Variants in SLU7 observed in about 807,000 individuals in gnomAD.
SLU7 encodes spliceosome associated SLU7.
A neutral mutation model predicts 87.0 loss-of-function variants in SLU7; 60 were observed. The ratio of observed to expected loss-of-function variants is 0.69; its 90% CI spans 0.56 to 0.86. The LOEUF (loss-of-function observed/expected upper bound fraction) is 0.86. Among genes scored for constraint, SLU7 ranks in the 40% least tolerant of loss-of-function variants. The pLI is 0.00. For synonymous variants in SLU7, 197 were observed against 222.0 expected (o/e 0.89, Z 1.00); for missense variants, 507 against 686.6 (o/e 0.74, Z 2.92).
In SLU7 at chr5:160,407,945, A is replaced by C; in HGVS notation, c.917+26T>G. On this transcript the variant is annotated intron_variant, in intron 9 of 15. Coordinates refer to ENST00000297151, the MANE Select transcript of SLU7 (RefSeq NM_006425.5). This position sits in a 1 kb window ranked among gnomAD's most constrained non-coding sequence, Gnocchi z 4.2. Reference sequence around the variant, plus strand: ...ACAATTAACTTTCTCTCATCTTAAAATCTGTACATTTAACTTGATACTTAC... The same window carrying C: ...ACAATTAACTTTCTCTCATCTTAAACTCTGTACATTTAACTTGATACTTAC... 6.5e-7 allele frequency: 1 copy of C among 1,544,150 alleles called. No homozygotes were observed. The highest frequency in any genetic ancestry group is 1.4e-5 in the African/African-American group (1 of 73,616).
intron 11 of SLU7, 150 bp from the exon 12 acceptor site, chr5:160,406,779 A>AT: frequency 1.6e-6 from 1 of 627,986 alleles, no homozygotes; most frequent in Non-Finnish European, 2.6e-6. Context: ...AAAGCCACAA[A>AT]TTTTTTCTGA....
chr5:160,406,604 G>A lies in SLU7; in HGVS notation c.1151C>T (p.Ala384Val), dbSNP rs759685509. The A allele has an allele frequency of 1.9e-6, 3 of 1,610,058 alleles. No individual in the cohort carries two copies. The highest frequency in any genetic ancestry group is 2.5e-6 in the Non-Finnish European group (3 of 1,178,346). ...EKYGGQEHLD[A>V]PPAELLLAQT... ...GGCTAAAAGCAATTCAGCTGGAGGG[G>A]CATCCAAATGTTCTTGGCCACCATA... The change falls in exon 12 of 16, where the codon GCC becomes GTC. Residue 384 changes from alanine to valine, a missense_variant. Ala to Val is a moderately conservative substitution (Grantham distance 64). Transcript: ENST00000297151.
At chr5:160,416,290 T>C (rs1350431652) in intron 1 of SLU7, among the ~76,000 whole-genome samples, 1 of 152,202 alleles carries the variant, frequency 6.6e-6, no homozygotes, top group African/African-American at 2.4e-5. Flanking sequence ...TAAGCCACTC[T>C]AAACTCCCAC....
intron 1 of SLU7, chr5:160,417,186 G>A (rs1765492754): frequency 6.6e-6 from 1 of 152,072 alleles, no homozygotes; most frequent in African/African-American, 2.4e-5. Context: ...ATGTCCTACT[G>A]CCCAAGCTTA....
intron 12 of SLU7, chr5:160,406,212 A>G (rs573030317): frequency 1.7e-5 from 5 of 291,690 alleles, no homozygotes; most frequent in Admixed American, 4.9e-5. Context: ...AACTGTGCAT[A>G]TGCACACATA....
chr5:160,409,119 T>C (rs1215403781), intron 6 of SLU7, among the ~76,000 whole-genome samples: 2 of 151,996 alleles, frequency 1.3e-5, no homozygotes, highest in Non-Finnish European at 2.9e-5. Flanking sequence ...AATTTCTAAA[T>C]GTGTTAGTCT....
rs1038425317 is a variant in SLU7, at chr5:160,402,774, T to G, written c.*511A>C. ...GGCTCACGCCTGTAATCTCAGCACTTTGGGAGGCTGAGGCGGGTGGATCAC... is the reference window on the plus strand; with the variant it reads ...GGCTCACGCCTGTAATCTCAGCACTGTGGGAGGCTGAGGCGGGTGGATCAC... On this transcript the variant is annotated 3_prime_UTR_variant, in exon 16 of 16. Transcript: ENST00000297151. 6.6e-6 allele frequency: 1 copy of G among 152,128 alleles called. No homozygotes were observed. The highest frequency in any genetic ancestry group is 2.4e-5 in the African/African-American group (1 of 41,404). 9.4% of individuals were successfully genotyped at this position (152,128 alleles called of 1,614,324 possible). A position where few individuals can be genotyped will look rare whatever the true frequency, so the allele number is the denominator to read the frequency against.
At chr5:160,415,839 C>G (rs981314072) in intron 1 of SLU7, among the ~76,000 whole-genome samples, 1 of 152,172 alleles carries the variant, frequency 6.6e-6, no homozygotes, top group South Asian at 2.1e-4. Context: ...TCTGTTCCTT[C>G]CCTTTTTATA....
intron 15 of SLU7, among the ~76,000 whole-genome samples, 159 bp downstream of exon 15, chr5:160,404,281 C>T (rs1313847704): frequency 6.6e-6 from 1 of 152,234 alleles, no homozygotes; most frequent in East Asian, 1.9e-4. Context: ...AGAAGAATTG[C>T]TTGAGCCTAT....
chr5:160,404,678 A>T, intron 14 of SLU7, 122 bp from the exon 15 acceptor site: 1 of 866,984 alleles, frequency 1.2e-6, no homozygotes, highest in Non-Finnish European at 1.8e-6. Flanking sequence ...GTGGGCCCAG[A>T]CCGTGCACTG....
rs1765275778 is a variant in SLU7 at position 160,412,464 on chromosome 5, A to G, written c.626T>C (p.Leu209Ser). Residue 209 changes from leucine to serine, a missense_variant, in exon 6 of 16, where the codon TTA becomes TCA. By Grantham distance (145) the Leu-to-Ser change is moderately radical. Transcript: ENST00000297151. ...TTCATTACTTACAGCCTGTTCCACT[A>G]ATTTTCCTGAGGCTAATTCCTCTTG... ...KLQEELASGK[L>S]VEQANSPKHQ... 4.5e-6 allele frequency: 7 copies of G among 1,544,420 alleles called. No individual in the cohort carries two copies. In the South Asian group the frequency reaches 4.8e-5, roughly 11 times the overall value.
At chr5:160,412,393 T>C in intron 6 of SLU7, 58 bp downstream of exon 6, 1 of 1,054,162 alleles carries the variant, frequency 9.5e-7, no homozygotes, top group Non-Finnish European at 1.4e-6. Context: ...TTGTTTCAAT[T>C]TTCATTTCTT....
chr5:160,415,751 C>T (rs1461707943), intron 1 of SLU7, among the ~76,000 whole-genome samples: 1 of 152,152 alleles, frequency 6.6e-6, no homozygotes, highest in Non-Finnish European at 1.5e-5. Context: ...CCCTCCATTC[C>T]CTACCATTCT....
At chr5:160,405,392 C>T (rs944658593) in intron 12 of SLU7, among the ~76,000 whole-genome samples, 23 of 152,166 alleles carry the variant, frequency 1.5e-4, no homozygotes, top group Non-Finnish European at 2.5e-4. Context: ...TCTTGAAAAA[C>T]GTAGGAGTGG....
In SLU7 at chr5:160,406,532, T is replaced by C. The variant is rs1475761061; in HGVS notation, c.1223A>G (p.Lys408Arg). ...VEYSRHGTVI[K>R]GQERAVACSK... Reference sequence around the variant, plus strand: ...GCAGGCAACAGCCCGCTCCTGTCCTTTGATGACTGTCCCATGTCTTGAGTA... The same window carrying C: ...GCAGGCAACAGCCCGCTCCTGTCCTCTGATGACTGTCCCATGTCTTGAGTA... The change falls in exon 12 of 16, where the codon AAA (lysine) becomes AGA (arginine). Residue 408 changes from lysine to arginine, a missense_variant. Around this residue, in one of 6 missense-constraint regions of SLU7, gnomAD observed 43 missense variants for 58.4 expected, o/e 0.74. Coordinates refer to ENST00000297151, the MANE Select transcript of SLU7 (RefSeq NM_006425.5). The C allele has an allele frequency of 1.2e-6, 2 of 1,613,968 alleles. No homozygotes were observed. Among genetic ancestry groups the C allele is most frequent in the Admixed American group, 1.7e-5 (1 of 59,984 alleles).
Position 160,407,554 on chromosome 5 carries a change from C to T in SLU7, c.1047G>A (p.Lys349=). 6 of 1,613,438 alleles carry T rather than the reference C, an allele frequency of 3.7e-6. No homozygotes were observed. Among genetic ancestry groups the T allele is most frequent in the Non-Finnish European group, 5.1e-6 (6 of 1,179,516 alleles). Reference sequence around the variant, plus strand: ...TGAAGGACTTATACAACAGCTCTAGCTTTGTAGGATCTGCCTGTAGATGCA... The same window carrying T: ...TGAAGGACTTATACAACAGCTCTAGTTTTGTAGGATCTGCCTGTAGATGCA... ...SEVHLQADPT[K]LELLYKSFKV... Residue 349 remains lysine, a synonymous_variant, in exon 11 of 16, where the codon AAG becomes AAA. Transcript: ENST00000297151. This position sits in a 1 kb window ranked among gnomAD's most constrained non-coding sequence, Gnocchi z 4.2.
chr5:160,408,951 TATA>T (rs1164410232), intron 6 of SLU7, among the ~76,000 whole-genome samples: 1 of 150,466 alleles, frequency 6.6e-6, no homozygotes, highest in Non-Finnish European at 1.5e-5. Flanking sequence ...ACTTCTCAGT[TATA>T]ATGAGCGCAA....
chr5:160,403,022 A>T lies in SLU7; in HGVS notation c.*263T>A, dbSNP rs180793630. 3.2e-3 allele frequency: 749 copies of T among 233,240 alleles called. 5 individuals are homozygous for T. Among genetic ancestry groups the T allele is most frequent in the South Asian group, 5.3e-3 (33 of 6,208 alleles). 14.4% of individuals were successfully genotyped at this position (233,240 alleles called of 1,614,324 possible). ...AGAGCAAGACTCCGTCTCAAAAAAA[A>T]AAATAAATAAATAAAAAAAACTGGA... is the stretch of plus-strand genomic sequence containing the variant. On this transcript the variant is annotated 3_prime_UTR_variant, in exon 16 of 16. Transcript: ENST00000297151.
intron 2 of SLU7, 112 bp from the exon 3 acceptor site, chr5:160,414,584 TA>T (rs1290192837): frequency 1.2e-5 from 7 of 578,896 alleles, no homozygotes; most frequent in Non-Finnish European, 1.7e-5. Flanking sequence ...ATTGCAGTGG[TA>T]GGGGGAAGAG....
Sources: gnomAD v4.1 joint callset for allele counts (sites outside exome capture counted in the v4.1 genomes callset) on GRCh38, gnomAD v4.1.1 for gene constraint, gnomAD v4.1.1 regional missense constraint, Gnocchi (gnomAD v3.1) non-coding constraint, MANE v1.5 for transcripts, NCBI Gene and HGNC (gene_info 2026-07-23, HGNC 2026-07-21) for gene names.